Variants in INO80 observed in about 807,000 individuals in gnomAD.
INO80 encodes the protein INO80 complex ATPase subunit, also known as chromatin-remodeling ATPase INO80.
Under a neutral mutation model 203.4 loss-of-function variants are expected in INO80, and 20 were observed. The ratio of observed to expected loss-of-function variants is 0.10; its 90% CI spans 0.07 to 0.14. INO80 has a LOEUF of 0.14. Ranked by LOEUF, INO80 falls within the 10% of genes least tolerant of loss-of-function variation. The pLI is 1.00. For missense variants in INO80, 1,419 were observed against 1,914.4 expected, an observed-to-expected ratio of 0.74 and a Z score of 4.83; for synonymous variants, 726 against 685.2, an observed-to-expected ratio of 1.06 and a Z score of -0.93.
chr15:41,003,388 T>A (rs2043993359), intron 28 of INO80, among the ~76,000 whole-genome samples: 1 of 126,656 alleles, frequency 7.9e-6, no homozygotes, highest in Non-Finnish European at 1.6e-5. Context: ...TGGAGTGGAG[T>A]GGTGGATCTC....
chr15:41,090,553 G>C (rs1296133906), intron 5 of INO80, among the ~76,000 whole-genome samples: 2 of 152,132 alleles, frequency 1.3e-5, no homozygotes, highest in Admixed American at 6.6e-5. Context: ...TCCAGCCTGG[G>C]CAACAGAGCG....
In INO80 at chr15:40,987,066, G is replaced by A. The variant is rs371173577; in HGVS notation, c.3832+25C>T. 892 of 1,292,266 alleles carry A rather than the reference G, an allele frequency of 6.9e-4. 2 individuals are homozygous for A. The highest frequency in any genetic ancestry group is 9.1e-4 in the Non-Finnish European group (807 of 887,742). 80.0% of individuals were successfully genotyped at this position (1,292,266 alleles called of 1,614,324 possible). On this transcript the variant is annotated intron_variant, in intron 31 of 35. Coordinates refer to ENST00000648947, the MANE Select transcript of INO80 (RefSeq NM_017553.3). ...TTCCATTCTCAGATACGTGAGGGGAGTGTATAGAGGTTTAGAGTACATACG... is the reference window on the plus strand; with the variant it reads ...TTCCATTCTCAGATACGTGAGGGGAATGTATAGAGGTTTAGAGTACATACG...
Position 41,073,530 on chromosome 15 carries a change from T to C in INO80, c.1328-35A>G, listed in dbSNP as rs537228969. The stretch of plus-strand genomic sequence containing the variant: ...AAAATTTATGGATTATCACACTTTA[T>C]CAACTGATTTTGTTCTAAGATACAA... On this transcript the variant is annotated intron_variant, in intron 10 of 35. Coordinates refer to ENST00000648947, the MANE Select transcript of INO80 (RefSeq NM_017553.3). 7 of 1,514,598 alleles carry C rather than the reference T, an allele frequency of 4.6e-6. No homozygotes were observed. The South Asian group carries it at 7.9e-5, about 17-fold the overall frequency. The allele number at this position is 1,514,598 out of a possible 1,614,324, so 93.8% of individuals were successfully genotyped here.
chr15:41,101,838 C>A (rs934625042), intron 1 of INO80, among the ~76,000 whole-genome samples: 1 of 151,900 alleles, frequency 6.6e-6, no homozygotes, highest in Non-Finnish European at 1.5e-5. Context: ...GCGTGAGCCA[C>A]CGCACCCGGC....
At chr15:40,994,955 A>G (rs1352825324) in intron 29 of INO80, among the ~76,000 whole-genome samples, 1 of 152,110 alleles carries the variant, frequency 6.6e-6, no homozygotes, top group Non-Finnish European at 1.5e-5. Flanking sequence ...TCCTGGGTTC[A>G]AGTGATTCTC....
intron 23 of INO80, among the ~76,000 whole-genome samples, chr15:41,045,416 C>T (rs898415173): frequency 6.6e-6 from 1 of 151,864 alleles, no homozygotes; most frequent in Non-Finnish European, 1.5e-5. Context: ...TGGCAAAATA[C>T]AGTCTCTACT....
intron 29 of INO80, among the ~76,000 whole-genome samples, chr15:40,993,313 GA>G (rs1187322004): frequency 6.6e-6 from 1 of 151,846 alleles, no homozygotes; most frequent in Non-Finnish European, 1.5e-5. Flanking sequence ...AACAACCGGA[GA>G]AACTATTCCT....
At chr15:41,075,899 C>G (rs1283247870) in intron 9 of INO80, among the ~76,000 whole-genome samples, 2 of 152,132 alleles carry the variant, frequency 1.3e-5, no homozygotes, top group African/African-American at 4.8e-5. Context: ...GGCCAGCCAC[C>G]ACACCGGCCC....
chr15:41,034,967 G>GAA (rs1021759948), intron 24 of INO80, among the ~76,000 whole-genome samples: 1 of 151,880 alleles, frequency 6.6e-6, no homozygotes, highest in African/African-American at 2.4e-5. Context: ...GCAATGAAAA[G>GAA]AAAAAAAATG....
intron 1 of INO80, among the ~76,000 whole-genome samples, chr15:41,115,479 C>T (rs1179717510): frequency 2.0e-5 from 3 of 152,216 alleles, no homozygotes; most frequent in Admixed American, 6.6e-5. Context: ...CAGCAGCGTG[C>T]ACCATTCAAC....
intron 5 of INO80, among the ~76,000 whole-genome samples, chr15:41,088,241 C>G (rs1650730296): frequency 6.6e-6 from 1 of 152,094 alleles, no homozygotes; most frequent in Admixed American, 6.5e-5. Context: ...AAGCACACGC[C>G]ACCACACCCA....
At chr15:41,056,986 A>G (rs191998174) in intron 16 of INO80, among the ~76,000 whole-genome samples, 13 of 152,300 alleles carry the variant, frequency 8.5e-5, no homozygotes, top group African/African-American at 2.9e-4. Flanking sequence ...AAACTCTTCT[A>G]TTATCTTTAG....
In INO80 at chr15:40,984,109, G is replaced by A. The variant is rs1054698280; in HGVS notation, c.4077+88C>T. On this transcript the variant is annotated intron_variant, in intron 33 of 35. Transcript: ENST00000648947. ...TCAACAAGGCTGGAGAACTCCAGGA[G>A]AAGCAAAGACTGCCCAGCAGTGTGT... The A allele has an allele frequency of 5.5e-6, 8 of 1,449,064 alleles. No homozygotes were observed. In the Admixed American group the frequency reaches 8.0e-5, roughly 15 times the overall value. 89.8% of individuals were successfully genotyped at this position (1,449,064 alleles called of 1,614,324 possible).
chr15:41,033,589 C>T (rs1006890153), intron 24 of INO80, among the ~76,000 whole-genome samples: 19 of 152,176 alleles, frequency 1.2e-4, no homozygotes, highest in Admixed American at 2.0e-4. Context: ...GGAAGGTGTG[C>T]GAAAGTTCTG....
chr15:41,016,239 G>T, intron 26 of INO80, 24 bp from the exon 27 acceptor site: 2 of 1,610,018 alleles, frequency 1.2e-6, no homozygotes, highest in South Asian at 2.2e-5. Context: ...AAGGGGGTGA[G>T]GGGGAACTGT....
chr15:41,089,604 G>A (rs1432119324), intron 5 of INO80, among the ~76,000 whole-genome samples: 3 of 152,124 alleles, frequency 2.0e-5, no homozygotes, highest in African/African-American at 2.4e-5. Flanking sequence ...ATAGCCAGGC[G>A]CAGTGGCGCA....
chr15:41,023,146 T>G (rs964046683), intron 25 of INO80: 1 of 366,244 alleles, frequency 2.7e-6, no homozygotes. Flanking sequence ...CTTGTTTTCT[T>G]GCTTCCAACT....
intron 24 of INO80, among the ~76,000 whole-genome samples, chr15:41,038,351 T>TA (rs1566922882): frequency 6.6e-6 from 1 of 152,044 alleles, no homozygotes; most frequent in South Asian, 2.1e-4. Context: ...TCTTTTCTCT[T>TA]AAAAAAGTCA....
chr15:41,084,456 G>A (rs2045530246), intron 7 of INO80, among the ~76,000 whole-genome samples: 1 of 152,140 alleles, frequency 6.6e-6, no homozygotes, highest in East Asian at 1.9e-4. Flanking sequence ...GTACTTGGAA[G>A]GCTAAGGAAG....
Sources: gnomAD v4.1 joint callset for allele counts (sites outside exome capture counted in the v4.1 genomes callset) on GRCh38, gnomAD v4.1.1 for gene constraint, MANE v1.5 for transcripts, NCBI Gene and HGNC (gene_info 2026-07-23, HGNC 2026-07-21) for gene names.